Variants in BRAF observed in about 807,000 individuals in gnomAD.
The protein encoded by BRAF is serine/threonine-protein kinase B-raf.
In BRAF, 16 loss-of-function variants were observed where a neutral mutation model predicts 104.6. That is an observed-to-expected ratio of 0.15 (90% CI 0.10 to 0.23). The LOEUF is 0.23. BRAF is among the 10% of genes least tolerant of loss of function. BRAF has a pLI of 1.00. For missense variants in BRAF, 541 were observed against 937.3 expected, an observed-to-expected ratio of 0.58 and a Z score of 5.52; for synonymous variants, 310 against 341.6, an observed-to-expected ratio of 0.91 and a Z score of 1.02.
chr7:140,791,010 A>T (rs1801899379), intron 8 of BRAF, among the ~76,000 whole-genome samples: 1 of 152,204 alleles, frequency 6.6e-6, no homozygotes, highest in South Asian at 2.1e-4. Context: ...CTGAGGCAGG[A>T]GAATTGCTTG....
At chr7:140,866,941 T>A (rs910900559) in intron 1 of BRAF, among the ~76,000 whole-genome samples, 1 of 151,996 alleles carries the variant, frequency 6.6e-6, no homozygotes, top group African/African-American at 2.4e-5. Context: ...GAAAAAAAAA[T>A]CACCTATTTC....
At position 140,723,252 on chromosome 7, in the gene BRAF, A is replaced by C; in HGVS notation, c.*3242T>G. On this transcript the variant is annotated 3_prime_UTR_variant, in exon 20 of 20. Transcript: ENST00000644969. Reference sequence around the variant, plus strand: ...AATACAAGGTAACATCCTGTGATGAAAGTGCTGTCACCGCACCAAACCAGA... The same window carrying C: ...AATACAAGGTAACATCCTGTGATGACAGTGCTGTCACCGCACCAAACCAGA... The C allele has an allele frequency of 9.5e-7, 1 of 1,056,042 alleles. No individual in the cohort carries two copies. The highest frequency in any genetic ancestry group is 1.1e-6 in the Non-Finnish European group (1 of 873,606). The allele number at this position is 1,056,042 out of a possible 1,614,324, so 65.4% of individuals were successfully genotyped here.
intron 3 of BRAF, among the ~76,000 whole-genome samples, chr7:140,815,674 G>C (rs1453682716): frequency 6.6e-6 from 1 of 151,672 alleles, no homozygotes; most frequent in Admixed American, 6.6e-5. Flanking sequence ...TACCTCAAGT[G>C]ACCCGCCTGC....
In BRAF at chr7:140,723,622, T is replaced by G. The variant is rs1486866251; in HGVS notation, c.*2872A>C. On this transcript the variant is annotated 3_prime_UTR_variant, in exon 20 of 20. Transcript: ENST00000644969. ...AAGTCTAGGTCCTTGACTCTAACGA[T>G]GAAAAAAGTCCATCAGGAATACTAC... is the stretch of plus-strand genomic sequence containing the variant. The G allele has an allele frequency of 1.9e-6, 2 of 1,049,560 alleles. No individual in the cohort carries two copies. The highest frequency in any genetic ancestry group is 2.3e-6 in the Non-Finnish European group (2 of 869,532). 65.0% of individuals were successfully genotyped at this position (1,049,560 alleles called of 1,614,324 possible).
At position 140,924,494 on chromosome 7, in the gene BRAF, C is replaced by G. The variant is rs1818638841; in HGVS notation, c.138+72G>C. ...GGGCATCAAGCCCCCACCGCCGCCT[C>G]TTTCCAAAATAAACACCAGCCAGCC... On this transcript the variant is annotated intron_variant, in intron 1 of 19. Coordinates refer to ENST00000644969, the MANE Select transcript of BRAF (RefSeq NM_001374258.1). The surrounding 1 kb of genome is among the most constrained non-coding windows in gnomAD (Gnocchi z 4.2). The G allele has an allele frequency of 6.5e-7, 1 of 1,529,242 alleles. No homozygotes were observed. The allele number at this position is 1,529,242 out of a possible 1,614,324, so 94.7% of individuals were successfully genotyped here.
chr7:140,743,515 T>A (rs539869167), intron 17 of BRAF, among the ~76,000 whole-genome samples: 7 of 152,048 alleles, frequency 4.6e-5, no homozygotes, highest in Admixed American at 2.6e-4. Flanking sequence ...TAGGTGGGAA[T>A]TGAACAATGA....
chr7:140,808,166 T>C, intron 4 of BRAF, 104 bp from the exon 5 acceptor site: 1 of 869,308 alleles, frequency 1.2e-6, no homozygotes, highest in Non-Finnish European at 1.9e-6. Flanking sequence ...CTAGTAACAG[T>C]GAGGGAGGTT....
At chr7:140,911,136 T>G (rs1200377109) in intron 1 of BRAF, among the ~76,000 whole-genome samples, 1 of 152,142 alleles carries the variant, frequency 6.6e-6, no homozygotes, top group Admixed American at 6.6e-5. Context: ...TTCAGTCATT[T>G]AAGTATTAGA....
At chr7:140,923,233 T>C (rs1231877389) in intron 1 of BRAF, among the ~76,000 whole-genome samples, 1 of 151,476 alleles carries the variant, frequency 6.6e-6, no homozygotes, top group Non-Finnish European at 1.5e-5. Flanking sequence ...GTTATGAGAA[T>C]TGAGAAATTA....
intron 4 of BRAF, among the ~76,000 whole-genome samples, chr7:140,808,635 T>A (rs1260435134): frequency 1.3e-5 from 2 of 152,112 alleles, no homozygotes; most frequent in East Asian, 3.8e-4. Flanking sequence ...ACACTCTGAA[T>A]GGTTCAAAAA....
chr7:140,898,470 A>C (rs762979411), intron 1 of BRAF, among the ~76,000 whole-genome samples: 3 of 152,214 alleles, frequency 2.0e-5, no homozygotes, highest in African/African-American at 7.2e-5. Flanking sequence ...TCTATAAACA[A>C]TTTAAGAAAA....
At chr7:140,717,712 TG>T (rs1795164945), downstream of BRAF, among the ~76,000 whole-genome samples, 2 of 152,230 alleles carry the variant, frequency 1.3e-5, no homozygotes, top group African/African-American at 4.8e-5. Flanking sequence ...TCCATAGTTC[TG>T]GGCTAAATTT....
At chr7:140,810,413 C>A (rs373487731) in intron 3 of BRAF, among the ~76,000 whole-genome samples, 6 of 151,802 alleles carry the variant, frequency 4.0e-5, no homozygotes, top group African/African-American at 1.5e-4. Context: ...TACTAAAAAA[C>A]ACAAAAAGTA....
At chr7:140,850,471 C>T (rs540197624) in intron 1 of BRAF, among the ~76,000 whole-genome samples, 1 of 152,266 alleles carries the variant, frequency 6.6e-6, no homozygotes, top group Admixed American at 6.5e-5. Context: ...AATCTCTCTT[C>T]ATCTTCCTCA....
chr7:140,833,945 A>G (rs1307952765), intron 3 of BRAF: 2 of 151,976 alleles, frequency 1.3e-5, no homozygotes, highest in Non-Finnish European at 2.9e-5. Context: ...GTTGTCAGAG[A>G]AAAAAAATGA....
chr7:140,747,277 C>T (rs1011475415), intron 17 of BRAF: 3 of 591,770 alleles, frequency 5.1e-6, no homozygotes, highest in Non-Finnish European at 6.8e-6. Flanking sequence ...TCCTTCTTCT[C>T]CATTAAATAC....
Position 140,720,027 on chromosome 7 carries a change from G to T in BRAF, c.*6467C>A. 10 of 1,061,712 alleles carry T rather than the reference G, an allele frequency of 9.4e-6. No individual in the cohort carries two copies. Among genetic ancestry groups the T allele is most frequent in the Non-Finnish European group, 1.1e-5 (10 of 877,058 alleles). 65.8% of individuals were successfully genotyped at this position (1,061,712 alleles called of 1,614,324 possible). ...ACAGGAGTCATGTCCTCAAACCAAG[G>T]AATACATGAAAAGGGGGGATTTCCT... On this transcript the variant is annotated 3_prime_UTR_variant, in exon 20 of 20. Coordinates refer to ENST00000644969, the MANE Select transcript of BRAF (RefSeq NM_001374258.1).
chr7:140,859,208 G>A (rs1407013380), intron 1 of BRAF, among the ~76,000 whole-genome samples: 4 of 152,280 alleles, frequency 2.6e-5, no homozygotes, highest in African/African-American at 9.6e-5. Flanking sequence ...TGACTCTAGA[G>A]GTTTCCACCC....
intron 1 of BRAF, among the ~76,000 whole-genome samples, chr7:140,869,031 G>A (rs1289752502): frequency 2.0e-5 from 3 of 152,160 alleles, no homozygotes; most frequent in Non-Finnish European, 4.4e-5. Context: ...CTAAGTCAAA[G>A]GATGTAAGAG....
Sources: gnomAD v4.1 joint callset for allele counts (sites outside exome capture counted in the v4.1 genomes callset) on GRCh38, gnomAD v4.1.1 for gene constraint, Gnocchi (gnomAD v3.1) non-coding constraint, MANE v1.5 for transcripts, NCBI Gene and HGNC (gene_info 2026-07-23, HGNC 2026-07-21) for gene names.